PDE4D: variants seen among roughly 807,000 people sequenced by gnomAD.
PDE4D encodes phosphodiesterase 4D.
A neutral mutation model predicts 87.4 loss-of-function variants in PDE4D; 24 were observed. The ratio of observed to expected loss-of-function variants is 0.27; its 90% CI spans 0.20 to 0.39. The LOEUF is 0.39. PDE4D is among the 10% of genes least tolerant of loss of function. The probability of loss-of-function intolerance (pLI) is 1.00; values close to 1 mark genes in which losing one functional copy is unlikely to be tolerated. For synonymous variants in PDE4D, 384 were observed against 383.2 expected (o/e 1.00, Z -0.02); for missense variants, 714 against 1,041.0 (o/e 0.69, Z 4.32).
At chr5:60,382,970 C>T (rs1157218924) in intron 1 of PDE4D, among the ~76,000 whole-genome samples, 1 of 152,064 alleles carries the variant, frequency 6.6e-6, no homozygotes, top group Non-Finnish European at 1.5e-5. Flanking sequence ...TCAAAAGCTC[C>T]CCCATGTGTG....
intron 3 of PDE4D, among the ~76,000 whole-genome samples, chr5:59,190,801 A>G (rs188243305): frequency 1.0e-3 from 157 of 152,260 alleles, no homozygotes; most frequent in African/African-American, 3.4e-3. Context: ...CAGATGCTCT[A>G]TGAAGAGTGG....
intron 3 of PDE4D, among the ~76,000 whole-genome samples, chr5:59,976,778 ACTTTGTGTTT>A (rs957581043): frequency 6.6e-6 from 1 of 152,004 alleles, no homozygotes; most frequent in Non-Finnish European, 1.5e-5. Context: ...ACATGTACTC[ACTTTGTGTTT>A]CTATGTCATA....
At chr5:59,617,565 T>C (rs894338769) in intron 1 of PDE4D, among the ~76,000 whole-genome samples, 4 of 152,172 alleles carry the variant, frequency 2.6e-5, no homozygotes, top group Non-Finnish European at 4.4e-5. Flanking sequence ...CCTAATCCAG[T>C]GTGCCTCACG....
intron 3 of PDE4D, among the ~76,000 whole-genome samples, chr5:59,938,551 G>T (rs556076630): frequency 2.0e-5 from 3 of 152,056 alleles, no homozygotes; most frequent in African/African-American, 4.8e-5. Context: ...GGCCAAAAAG[G>T]CTTCAGACAG....
chr5:60,007,426 TA>T (rs1484842260), intron 2 of PDE4D, among the ~76,000 whole-genome samples: 1 of 152,010 alleles, frequency 6.6e-6, no homozygotes, highest in Non-Finnish European at 1.5e-5. Context: ...CTGTCATCAA[TA>T]TGGACATAAG....
At chr5:59,772,343 A>C (rs1462184435) in intron 1 of PDE4D, among the ~76,000 whole-genome samples, 4 of 152,226 alleles carry the variant, frequency 2.6e-5, no homozygotes, top group African/African-American at 9.6e-5. Context: ...GTGACAGCCA[A>C]ATAAGGCCTC....
At chr5:59,702,983 G>C (rs960471944) in intron 1 of PDE4D, among the ~76,000 whole-genome samples, 1 of 151,794 alleles carries the variant, frequency 6.6e-6, no homozygotes, top group Non-Finnish European at 1.5e-5. Flanking sequence ...TATGCAAAGG[G>C]AACATAATCT....
chr5:60,027,694 C>A (rs1216962955), intron 2 of PDE4D, among the ~76,000 whole-genome samples: 9 of 152,212 alleles, frequency 5.9e-5, no homozygotes, highest in Admixed American at 2.6e-4. Context: ...GTGTCTGATG[C>A]ATGCTGGACA....
At chr5:59,897,007 G>A (rs1367250647), upstream of PDE4D, among the ~76,000 whole-genome samples, 1 of 152,074 alleles carries the variant, frequency 6.6e-6, no homozygotes, top group African/African-American at 2.4e-5. Context: ...ATAGATTTTG[G>A]AGTTTTATGG....
intron 1 of PDE4D, among the ~76,000 whole-genome samples, chr5:59,798,986 A>AATC (rs1406119721): frequency 2.0e-5 from 3 of 152,222 alleles, no homozygotes; most frequent in African/African-American, 7.2e-5. Context: ...AACTTTTCAC[A>AATC]ATCTGTACGA....
chr5:60,389,148 C>T (rs1762403437), intron 1 of PDE4D, among the ~76,000 whole-genome samples: 2 of 152,110 alleles, frequency 1.3e-5, no homozygotes, highest in Admixed American at 6.6e-5. Context: ...GAATAAAATA[C>T]AAGTCTAACA....
At chr5:59,837,763 A>C (rs983144477) in intron 1 of PDE4D, among the ~76,000 whole-genome samples, 5 of 152,068 alleles carry the variant, frequency 3.3e-5, no homozygotes, top group African/African-American at 4.8e-5. Context: ...CAGATTCGAG[A>C]GTTTCCATGC....
At chr5:59,565,080 G>T (rs146134909) in intron 1 of PDE4D, among the ~76,000 whole-genome samples, 1 of 152,258 alleles carries the variant, frequency 6.6e-6, no homozygotes, top group African/African-American at 2.4e-5. Context: ...CTGGGGTGTG[G>T]CACATGAGGT....
At chr5:59,985,327 C>T (rs1360513642) in intron 3 of PDE4D, among the ~76,000 whole-genome samples, 4 of 151,316 alleles carry the variant, frequency 2.6e-5, no homozygotes, top group Admixed American at 1.3e-4. Flanking sequence ...ATTTTTCGTA[C>T]AGACTGGGTT....
intron 1 of PDE4D, among the ~76,000 whole-genome samples, chr5:60,322,840 T>G (rs1449249045): frequency 6.6e-6 from 1 of 152,216 alleles, no homozygotes; most frequent in Non-Finnish European, 1.5e-5. Flanking sequence ...TTCACTCCAG[T>G]CTACCTTTTT....
At chr5:59,930,937 C>A (rs1456998349) in intron 3 of PDE4D, among the ~76,000 whole-genome samples, 2 of 151,974 alleles carry the variant, frequency 1.3e-5, no homozygotes, top group Non-Finnish European at 2.9e-5. Context: ...AGGCTTCAAG[C>A]TAGAAAAAAA....
At chr5:59,695,521 T>C (rs554165904) in intron 1 of PDE4D, among the ~76,000 whole-genome samples, 2 of 152,334 alleles carry the variant, frequency 1.3e-5, no homozygotes, top group East Asian at 3.9e-4. Context: ...ACTCTCTGCA[T>C]GATGCATATT....
At chr5:59,905,708 A>C (rs1210159702) in intron 3 of PDE4D, among the ~76,000 whole-genome samples, 1 of 152,180 alleles carries the variant, frequency 6.6e-6, no homozygotes, top group Non-Finnish European at 1.5e-5. Flanking sequence ...TGTTACATAA[A>C]TAATGCATGT....
chr5:59,013,471 C>G (rs1035583524), intron 6 of PDE4D, among the ~76,000 whole-genome samples: 24 of 151,998 alleles, frequency 1.6e-4, no homozygotes, highest in African/African-American at 5.8e-4. Flanking sequence ...AAGGGGATAC[C>G]ACCACCAATC....
Sources: allele counts gnomAD v4.1 joint callset (sites outside exome capture counted in the v4.1 genomes callset), GRCh38; gene constraint gnomAD v4.1.1; transcripts MANE v1.5; gene names NCBI Gene and HGNC (gene_info 2026-07-23, HGNC 2026-07-21).